Variants in ERN1 observed in about 807,000 individuals in gnomAD.
ERN1 encodes the protein endoplasmic reticulum to nucleus signaling 1, also known as serine/threonine-protein kinase/endoribonuclease IRE1.
A neutral mutation model predicts 113.1 loss-of-function variants in ERN1; 39 were observed. The ratio of observed to expected loss-of-function variants is 0.34; its 90% CI spans 0.27 to 0.45. The LOEUF (loss-of-function observed/expected upper bound fraction) is 0.45. Among genes scored for constraint, ERN1 ranks in the 20% least tolerant of loss-of-function variants. The pLI is 1.00. For synonymous variants in ERN1, 507 were observed against 515.9 expected, an observed-to-expected ratio of 0.98 and a Z score of 0.23; for missense variants, 976 against 1,274.8, an observed-to-expected ratio of 0.77 and a Z score of 3.57.
At chr17:64,091,622 A>G (rs1283997906) in intron 2 of ERN1, among the ~76,000 whole-genome samples, 2 of 152,196 alleles carry the variant, frequency 1.3e-5, no homozygotes, top group African/African-American at 4.8e-5. Context: ...GTCTTCACAG[A>G]TGAACAGGAG....
intron 6 of ERN1, among the ~76,000 whole-genome samples, chr17:64,070,943 A>G (rs1913394219): frequency 6.6e-6 from 1 of 152,224 alleles, no homozygotes; most frequent in African/African-American, 2.4e-5. Context: ...ATCAGGCAAT[A>G]TGCCTGATGT....
At chr17:64,120,566 A>T (rs1363388392) in intron 1 of ERN1, among the ~76,000 whole-genome samples, 1 of 152,230 alleles carries the variant, frequency 6.6e-6, no homozygotes. Flanking sequence ...TTAATACATG[A>T]GAGGACAACT....
At chr17:64,094,401 A>T (rs1914171562) in intron 2 of ERN1, among the ~76,000 whole-genome samples, 1 of 152,216 alleles carries the variant, frequency 6.6e-6, no homozygotes, top group African/African-American at 2.4e-5. Context: ...TTTGTTTTAG[A>T]TTACCAGTTC....
intron 1 of ERN1, among the ~76,000 whole-genome samples, chr17:64,123,463 G>A (rs1388892999): frequency 1.3e-5 from 2 of 152,132 alleles, no homozygotes; most frequent in Non-Finnish European, 2.9e-5. Flanking sequence ...TAAACAAAAT[G>A]TAAACATTCT....
At chr17:64,119,539 C>A (rs1048517586) in intron 1 of ERN1, among the ~76,000 whole-genome samples, 1 of 151,734 alleles carries the variant, frequency 6.6e-6, no homozygotes, top group African/African-American at 2.4e-5. Flanking sequence ...CAGGCACGCG[C>A]CACCACGCCT....
At chr17:64,055,575 CCT>C (rs778143574) in intron 13 of ERN1, 98 bp downstream of exon 13, 53 of 1,150,220 alleles carry the variant, frequency 4.6e-5, no homozygotes, top group Non-Finnish European at 5.7e-5. Flanking sequence ...ACAGTGAACC[CCT>C]GAGAATGGTA....
intron 1 of ERN1, among the ~76,000 whole-genome samples, chr17:64,106,453 C>T (rs1025750483): frequency 1.3e-5 from 2 of 152,066 alleles, no homozygotes; most frequent in Non-Finnish European, 2.9e-5. Flanking sequence ...AAGGGCATGC[C>T]ACACAGGGGA....
At chr17:64,079,320 G>T (rs930786974) in intron 4 of ERN1, among the ~76,000 whole-genome samples, 2 of 152,192 alleles carry the variant, frequency 1.3e-5, no homozygotes, top group African/African-American at 4.8e-5. Flanking sequence ...GGGGCAGGTG[G>T]AGACAGCATT....
At position 64,043,692 on chromosome 17, in the gene ERN1, T is replaced by C. The variant is rs1309874155; in HGVS notation, c.*296A>G. On this transcript the variant is annotated 3_prime_UTR_variant, in exon 22 of 22. Transcript: ENST00000433197. ...ATTTAAAAAGTCTGAAGCAAGTTTA[T>C]CCAGTAGATGGCTGGGGGTGCTACT... is the stretch of plus-strand genomic sequence containing the variant. 3.2e-6 allele frequency: 1 copy of C among 317,440 alleles called. No individual in the cohort carries two copies. The highest frequency in any genetic ancestry group is 5.7e-6 in the Non-Finnish European group (1 of 174,158). The allele number at this position is 317,440 out of a possible 1,614,324, so 19.7% of individuals were successfully genotyped here. A position where few individuals can be genotyped will look rare whatever the true frequency, so the allele number is the denominator to read the frequency against.
chr17:64,048,260 C>T (rs998885350), intron 18 of ERN1, among the ~76,000 whole-genome samples: 16 of 152,108 alleles, frequency 1.1e-4, no homozygotes, highest in African/African-American at 3.1e-4. Context: ...TGTTAAAGTG[C>T]GGCTGTGACT....
chr17:64,079,647 G>A lies in ERN1; in HGVS notation c.282+15C>T, dbSNP rs768362997. 2 of 1,608,982 alleles carry A rather than the reference G, an allele frequency of 1.2e-6. No homozygotes were observed. Among genetic ancestry groups the A allele is most frequent in the South Asian group, 1.1e-5 (1 of 90,962 alleles). ...TAGAACCCCTGGAGTACAAAAAGCA[G>A]CTAAATATACTCACCGTCAGGCCTT... On this transcript the variant is annotated intron_variant, in intron 4 of 21. Transcript: ENST00000433197.
intron 1 of ERN1, chr17:64,129,484 A>G: frequency 4.1e-6 from 1 of 241,772 alleles, no homozygotes; most frequent in South Asian, 1.8e-4. Context: ...AAGTTTTCGA[A>G]TTTTTAAAAA....
At chr17:64,058,465 C>T (rs548651965) in intron 11 of ERN1, among the ~76,000 whole-genome samples, 16 of 152,238 alleles carry the variant, frequency 1.1e-4, no homozygotes, top group Non-Finnish European at 1.5e-4. Context: ...GCAGTTTTCT[C>T]GTGTTGCCTG....
intron 1 of ERN1, chr17:64,129,651 C>T: frequency 2.7e-6 from 1 of 370,526 alleles, no homozygotes; most frequent in South Asian, 1.5e-4. Context: ...CCTTCTGGGA[C>T]CCCCAAGTGC....
At position 64,045,370 on chromosome 17, in the gene ERN1, G is replaced by A; in HGVS notation, c.2642C>T (p.Pro881Leu). ...KMDWRENITV[P>L]LQTDLRKFRT... ...TGCAGCATGATCACCTGTCTGGAGG[G>A]GGACAGTGATGTTCTCCCGCCAGTC... The change falls in exon 20 of 22, where the codon CCC (proline) becomes CTC (leucine). Residue 881 changes from proline (P) to leucine (L), a missense_variant. Physicochemically the swap from Pro to Leu is moderately conservative, Grantham distance 98. Around this residue, in one of 5 missense-constraint regions of ERN1, gnomAD observed 297 missense variants for 457.8 expected, o/e 0.65. Coordinates refer to ENST00000433197, the MANE Select transcript of ERN1 (RefSeq NM_001433.5). 1 of 1,613,846 alleles carries A rather than the reference G, an allele frequency of 6.2e-7. No homozygotes were observed. Among genetic ancestry groups the A allele is most frequent in the Non-Finnish European group, 8.5e-7 (1 of 1,179,866 alleles).
At chr17:64,084,392 C>A (rs1264513560) in intron 2 of ERN1, among the ~76,000 whole-genome samples, 1 of 152,096 alleles carries the variant, frequency 6.6e-6, no homozygotes. Context: ...GTCTCTCAAG[C>A]CTTCCCTCCT....
intron 1 of ERN1, among the ~76,000 whole-genome samples, chr17:64,103,428 C>T (rs779257956): frequency 3.4e-5 from 5 of 146,128 alleles, no homozygotes; most frequent in Non-Finnish European, 7.5e-5. Flanking sequence ...ACCCAGGAGG[C>T]GGAGGCTGCA....
rs367556081 is a variant in ERN1 at position 64,060,544 on chromosome 17, C to T, written c.1131G>A (p.Glu377=). ...GTTTGGGTAGATTGTTGGGAAATCT[C>T]TCCAGCATCTTGGTAGACGCAGACA... is the stretch of plus-strand genomic sequence containing the variant. ...TPLSASTKML[E]RFPNNLPKHR... The change falls in exon 11 of 22, where the codon GAG becomes GAA. Residue 377 remains glutamate (E), a synonymous_variant. Coordinates refer to ENST00000433197, the MANE Select transcript of ERN1 (RefSeq NM_001433.5). 1.2e-4 allele frequency: 187 copies of T among 1,613,956 alleles called. No individual in the cohort carries two copies. Among genetic ancestry groups the T allele is most frequent in the Admixed American group, 5.3e-4 (32 of 60,022 alleles).
At chr17:64,109,629 C>A (rs991820752) in intron 1 of ERN1, among the ~76,000 whole-genome samples, 2 of 152,202 alleles carry the variant, frequency 1.3e-5, no homozygotes, top group African/African-American at 4.8e-5. Flanking sequence ...CTGTTTACTG[C>A]TTCTGGGATG....
Sources: allele counts gnomAD v4.1 joint callset (sites outside exome capture counted in the v4.1 genomes callset), GRCh38; gene constraint gnomAD v4.1.1; regional missense constraint gnomAD v4.1.1; transcripts MANE v1.5; gene names NCBI Gene and HGNC (gene_info 2026-07-23, HGNC 2026-07-21).